The following SYNE2 variants were observed in gnomAD, a reference collection of about 807,000 sequenced individuals.
SYNE2 encodes nesprin-2.
Under a neutral mutation model 856.3 loss-of-function variants are expected in SYNE2, and 431 were observed. The observed-to-expected ratio is 0.50, with a 90% confidence interval of 0.47 to 0.55. The LOEUF (loss-of-function observed/expected upper bound fraction) is 0.55, where lower values mean the gene tolerates loss of function less well. Ranked by LOEUF, SYNE2 falls within the 20% of genes least tolerant of loss-of-function variation. The probability of loss-of-function intolerance (pLI) is 0.00; values close to 1 mark genes in which losing one functional copy is unlikely to be tolerated. For missense variants in SYNE2, 8,129 were observed against 8,023.2 expected, an observed-to-expected ratio of 1.01 and a Z score of -0.50; for synonymous variants, 2,923 against 2,872.3, an observed-to-expected ratio of 1.02 and a Z score of -0.56.
At chr14:64,009,191 C>G (rs2096824045) in intron 31 of SYNE2, among the ~76,000 whole-genome samples, 1 of 152,080 alleles carries the variant, frequency 6.6e-6, no homozygotes, top group Admixed American at 6.6e-5. Flanking sequence ...CACATTGTCT[C>G]ACTACCTTAA....
At chr14:64,049,153 T>A (rs1460508128) in intron 46 of SYNE2, 1 of 152,370 alleles carries the variant, frequency 6.6e-6, no homozygotes, top group East Asian at 1.9e-4. Flanking sequence ...AAGAAAAACC[T>A]TTTAAATATT....
In SYNE2 at chr14:64,020,080, C is replaced by T; in HGVS notation, c.5138C>T (p.Pro1713Leu). Residue 1713 changes from proline (P) to leucine (L), a missense_variant, in exon 35 of 116, where the codon CCT (proline) becomes CTT (leucine). By Grantham distance (98) the Pro-to-Leu change is moderately conservative. Coordinates refer to ENST00000555002, the MANE Select transcript of SYNE2 (RefSeq NM_182914.3). ...TTTTTGCTCCAAAGCAGTGAAATAC[C>T]TCTTGAATTGCAGGTAAGAATTTTT... ...IQFLLQSSEI[P>L]LELQVMESSI... 6.2e-7 allele frequency: 1 copy of T among 1,611,348 alleles called. No homozygotes were observed. Among genetic ancestry groups the T allele is most frequent in the Non-Finnish European group, 8.5e-7 (1 of 1,177,650 alleles).
chr14:63,968,583 G>T (rs1381818441), intron 11 of SYNE2, among the ~76,000 whole-genome samples: 1 of 152,116 alleles, frequency 6.6e-6, no homozygotes, highest in African/African-American at 2.4e-5. Flanking sequence ...AATTTATTGA[G>T]ACATGGTTTA....
At chr14:63,812,485 G>T (rs1202880337) in intron 1 of SYNE2, among the ~76,000 whole-genome samples, 2 of 152,140 alleles carry the variant, frequency 1.3e-5, no homozygotes, top group Non-Finnish European at 2.9e-5. Flanking sequence ...GTCCTGAGGT[G>T]ATGTACATTC....
intron 85 of SYNE2, among the ~76,000 whole-genome samples, chr14:64,156,371 C>A (rs2098285438): frequency 6.6e-6 from 1 of 152,144 alleles, no homozygotes; most frequent in Non-Finnish European, 1.5e-5. Context: ...TCCCTGCCAC[C>A]CAGATAGATG....
At chr14:64,166,702 T>C (rs1439705159) in intron 90 of SYNE2, 3 of 188,582 alleles carry the variant, frequency 1.6e-5, no homozygotes, top group Admixed American at 5.4e-5. Context: ...TCCCAGCACT[T>C]TGGGAGGCCG....
chr14:64,081,970 C>T (rs1426717596), intron 57 of SYNE2, among the ~76,000 whole-genome samples: 1 of 151,942 alleles, frequency 6.6e-6, no homozygotes, highest in Non-Finnish European at 1.5e-5. Flanking sequence ...CCTGTAGTCC[C>T]AGCTACTCGG....
At chr14:63,989,066 A>T (rs1475823748) in intron 19 of SYNE2, among the ~76,000 whole-genome samples, 1 of 152,144 alleles carries the variant, frequency 6.6e-6, no homozygotes, top group Non-Finnish European at 1.5e-5. Flanking sequence ...GTAATATTGA[A>T]CTATCATATT....
chr14:64,005,382 A>G (rs763881570), intron 30 of SYNE2, among the ~76,000 whole-genome samples: 1 of 152,300 alleles, frequency 6.6e-6, no homozygotes, highest in South Asian at 2.1e-4. Context: ...GAGATTCTGT[A>G]TATAGTTTGA....
rs2097240928 is a variant in SYNE2 at position 64,053,250 on chromosome 14, G to A, written c.9337G>A (p.Asp3113Asn). ...KKLNENKTFDDSFKEKEILQI... is the reference protein window; with the variant it reads ...KKLNENKTFDNSFKEKEILQI... Reference sequence around the variant, plus strand: ...ATTAAATGAAAATAAGACCTTTGATGACTCATTCAAGGAGAAAGAAATACT... The same window carrying A: ...ATTAAATGAAAATAAGACCTTTGATAACTCATTCAAGGAGAAAGAAATACT... Residue 3113 changes from aspartate (D) to asparagine (N), a missense_variant, in exon 48 of 116, where the codon GAC becomes AAC. By Grantham distance (23) the Asp-to-Asn change is conservative. Coordinates refer to ENST00000555002, the MANE Select transcript of SYNE2 (RefSeq NM_182914.3). The A allele has an allele frequency of 1.9e-6, 3 of 1,611,304 alleles. No homozygotes were observed. The highest frequency in any genetic ancestry group is 2.7e-5 in the African/African-American group (2 of 74,812).
intron 32 of SYNE2, among the ~76,000 whole-genome samples, chr14:64,012,894 C>T (rs1222423169): frequency 1.3e-5 from 2 of 152,204 alleles, no homozygotes; most frequent in East Asian, 3.8e-4. Context: ...CTTTATCCTG[C>T]TTTGCAGCAG....
chr14:63,940,741 GA>G, intron 3 of SYNE2, 66 bp downstream of exon 3: 1 of 1,455,136 alleles, frequency 6.9e-7, no homozygotes, highest in Middle Eastern at 1.7e-4. Context: ...CTTCTGTTTT[GA>G]CCCCAAGGAG....
At chr14:64,197,642 A>T (rs1400874818) in intron 99 of SYNE2, among the ~76,000 whole-genome samples, 1 of 152,234 alleles carries the variant, frequency 6.6e-6, no homozygotes, top group African/African-American at 2.4e-5. Context: ...TTGTTCACTT[A>T]GACTGATTTA....
chr14:64,150,002 CTTTTCTTT>C (rs1260252167), intron 84 of SYNE2, among the ~76,000 whole-genome samples: 9 of 120,354 alleles, frequency 7.5e-5, no homozygotes, highest in African/African-American at 2.8e-4. Flanking sequence ...TTTTTTTTTT[CTTTTCTTT>C]TTTTTTTTTT....
At chr14:64,145,523 A>G (rs1364058613) in intron 83 of SYNE2, among the ~76,000 whole-genome samples, 3 of 151,908 alleles carry the variant, frequency 2.0e-5, no homozygotes, top group Non-Finnish European at 4.4e-5. Flanking sequence ...AAAAAAAAAA[A>G]AAATTATGTC....
chr14:63,842,125 G>A lies in SYNE2; in HGVS notation c.-304-10376G>A, dbSNP rs114605185. On this transcript the variant is annotated intron_variant, in intron 1 of 23. Transcript: ENST00000674003. ...CTGGGATTACAGGCGTAAGCACCGCGCCTGGCCTTTTTTTGCCCATTTTTC... is the reference window on the plus strand; with the variant it reads ...CTGGGATTACAGGCGTAAGCACCGCACCTGGCCTTTTTTTGCCCATTTTTC... Among the ~76,000 whole-genome samples, 414 of 147,066 alleles carry A rather than the reference G, an allele frequency of 2.8e-3. 2 individuals are homozygous for A. Among genetic ancestry groups the A allele is most frequent in the East Asian group, 4.8e-3 (23 of 4,842 alleles).
intron 2 of SYNE2, among the ~76,000 whole-genome samples, chr14:63,930,959 ACCTGGAGATC>A (rs2095746339): frequency 6.6e-6 from 1 of 152,164 alleles, no homozygotes; most frequent in Admixed American, 6.5e-5. Flanking sequence ...AATTTGGGTA[ACCTGGAGATC>A]AACTACCTGT....
intron 1 of SYNE2, among the ~76,000 whole-genome samples, chr14:63,904,853 T>C (rs2095388128): frequency 6.6e-6 from 1 of 152,230 alleles, no homozygotes. Context: ...CTTTTGCTTT[T>C]GGAGACTTAG....
chr14:64,150,244 C>T (rs1481423620), intron 84 of SYNE2, among the ~76,000 whole-genome samples: 3 of 127,478 alleles, frequency 2.4e-5, no homozygotes, highest in Admixed American at 9.8e-5. Context: ...TTCAGTGAGC[C>T]GAGATCATGC....
Sources: gnomAD v4.1 joint callset for allele counts (sites outside exome capture counted in the v4.1 genomes callset) on GRCh38, gnomAD v4.1.1 for gene constraint, MANE v1.5 for transcripts, NCBI Gene and HGNC (gene_info 2026-07-23, HGNC 2026-07-21) for gene names.